ALK: variants seen among roughly 807,000 people sequenced by gnomAD.
ALK encodes ALK receptor tyrosine kinase, also known as ALK tyrosine kinase receptor.
A neutral mutation model predicts 163.1 loss-of-function variants in ALK; 74 were observed. The observed-to-expected ratio is 0.45, with a 90% CI of 0.38 to 0.55. The LOEUF is 0.55. Among genes scored for constraint, ALK ranks in the 20% least tolerant of loss-of-function variants. The probability of loss-of-function intolerance (pLI) is 0.00; values close to 1 mark genes in which losing one functional copy is unlikely to be tolerated. For synonymous variants in ALK, 960 were observed against 843.2 expected (o/e 1.14, Z -2.40); for missense variants, 2,063 against 2,105.3 (o/e 0.98, Z 0.39).
At chr2:29,894,521 C>T (rs1667220967) in intron 1 of ALK, among the ~76,000 whole-genome samples, 1 of 151,942 alleles carries the variant, frequency 6.6e-6, no homozygotes, top group Non-Finnish European at 1.5e-5. Context: ...CTCACAACTA[C>T]CAATAACCTG....
intron 3 of ALK, among the ~76,000 whole-genome samples, chr2:29,646,711 A>T (rs1263456269): frequency 6.6e-6 from 1 of 152,088 alleles, no homozygotes; most frequent in African/African-American, 2.4e-5. Context: ...CCCTCGCAAG[A>T]TGGCTGTGTG....
At chr2:29,741,378 G>A (rs1261175218) in intron 1 of ALK, among the ~76,000 whole-genome samples, 1 of 152,252 alleles carries the variant, frequency 6.6e-6, no homozygotes, top group East Asian at 1.9e-4. Flanking sequence ...CCAAACCGGT[G>A]TGAATGTTGA....
chr2:29,408,702 G>T (rs1484066557), intron 4 of ALK, among the ~76,000 whole-genome samples: 1 of 152,040 alleles, frequency 6.6e-6, no homozygotes, highest in Non-Finnish European at 1.5e-5. Context: ...TTTCTCTCTG[G>T]ACTTATTCTT....
chr2:29,614,411 G>A (rs1255655175), intron 3 of ALK, among the ~76,000 whole-genome samples: 1 of 152,184 alleles, frequency 6.6e-6, no homozygotes, highest in Non-Finnish European at 1.5e-5. Context: ...AGGCTCTGCG[G>A]TTAGTTCCTT....
intron 26 of ALK, among the ~76,000 whole-genome samples, chr2:29,206,287 C>CCTCT (rs1004654480): frequency 6.6e-6 from 1 of 150,828 alleles, no homozygotes; most frequent in African/African-American, 2.4e-5. Flanking sequence ...TCCCTCCCTC[C>CCTCT]CTCTCTCTCC....
intron 2 of ALK, among the ~76,000 whole-genome samples, chr2:29,697,444 C>A (rs1678600695): frequency 6.6e-6 from 1 of 152,112 alleles, no homozygotes; most frequent in South Asian, 2.1e-4. Flanking sequence ...CCACGTTTGC[C>A]CCACTTTTAG....
At position 29,233,477 on chromosome 2, in the gene ALK, T is replaced by C. The variant is rs1375705673; in HGVS notation, c.2487+88A>G. 14 of 1,579,204 alleles carry C rather than the reference T, an allele frequency of 8.9e-6. No individual in the cohort carries two copies. The East Asian group carries it at 2.5e-4, about 28-fold the overall frequency. On this transcript the variant is annotated intron_variant, in intron 14 of 28. Coordinates refer to ENST00000389048, the MANE Select transcript of ALK (RefSeq NM_004304.5). ...ATCTTTACACGGGGATAAGAGCATC[T>C]GAGGTGTTTCTATCCCAGGGCTGTC... is the stretch of plus-strand genomic sequence containing the variant.
chr2:29,276,480 A>G, intron 9 of ALK, among the ~76,000 whole-genome samples: 1 of 152,140 alleles, frequency 6.6e-6, no homozygotes, highest in East Asian at 1.9e-4. Flanking sequence ...TTTCCTGAGA[A>G]CCTTAAAATC....
chr2:29,507,841 T>C (rs7602452), intron 4 of ALK, among the ~76,000 whole-genome samples: 103,977 of 151,970 alleles, frequency 0.68, 36,760 homozygotes, highest in South Asian at 0.79. Flanking sequence ...TGAGTTGATG[T>C]ATCTGAAGGC....
chr2:29,599,062 A>C (rs1675299897), intron 3 of ALK, among the ~76,000 whole-genome samples: 1 of 152,188 alleles, frequency 6.6e-6, no homozygotes, highest in Non-Finnish European at 1.5e-5. Flanking sequence ...GAACCCTGTA[A>C]AATGATATAG....
At chr2:29,798,072 T>C (rs1203361029) in intron 1 of ALK, among the ~76,000 whole-genome samples, 6 of 152,292 alleles carry the variant, frequency 3.9e-5, no homozygotes, top group African/African-American at 1.4e-4. Context: ...TGCCATCAAC[T>C]ACGATCCCAG....
At chr2:29,503,846 G>A (rs1376735414) in intron 4 of ALK, among the ~76,000 whole-genome samples, 1 of 151,998 alleles carries the variant, frequency 6.6e-6, no homozygotes, top group African/African-American at 2.4e-5. Flanking sequence ...ATGGTGTTTA[G>A]TGCTGTGTTA....
intron 26 of ALK, among the ~76,000 whole-genome samples, chr2:29,200,773 G>A (rs56183806): frequency 0.22 from 28,254 of 127,558 alleles, 5,000 homozygotes; most frequent in East Asian, 0.7. Context: ...ATATATATAC[G>A]TATATATATG....
At chr2:29,705,282 A>ATATATATATATATATATATAT (rs1558451342) in intron 2 of ALK, among the ~76,000 whole-genome samples, 1 of 34,098 alleles carries the variant, frequency 2.9e-5, no homozygotes, top group Non-Finnish European at 5.2e-5. Context: ...TATATATATA[A>ATATATATATATATATATATAT]ATATATATCT....
chr2:29,275,346 G>A (rs931110259), intron 10 of ALK, 56 bp downstream of exon 10: 1 of 1,608,310 alleles, frequency 6.2e-7, no homozygotes, highest in Non-Finnish European at 8.5e-7. Context: ...AGGGGACAAT[G>A]AGGCCATGGG....
intron 3 of ALK, among the ~76,000 whole-genome samples, chr2:29,647,985 T>G (rs549446569): frequency 2.6e-5 from 4 of 152,104 alleles, no homozygotes; most frequent in Non-Finnish European, 5.9e-5. Context: ...GATGACAAAG[T>G]TATCATGTTC....
At chr2:29,617,965 G>A (rs1675906057) in intron 3 of ALK, among the ~76,000 whole-genome samples, 1 of 152,172 alleles carries the variant, frequency 6.6e-6, no homozygotes, top group Non-Finnish European at 1.5e-5. Flanking sequence ...GTTGGGCTGG[G>A]AGACCTGCCC....
intron 9 of ALK, among the ~76,000 whole-genome samples, chr2:29,293,749 G>A (rs2148228730): frequency 6.6e-6 from 1 of 152,212 alleles, no homozygotes; most frequent in East Asian, 1.9e-4. Context: ...GATCACACAT[G>A]GGCTTAAAAA....
intron 4 of ALK, among the ~76,000 whole-genome samples, chr2:29,465,533 A>C (rs1293732865): frequency 6.6e-6 from 1 of 152,074 alleles, no homozygotes; most frequent in African/African-American, 2.4e-5. Flanking sequence ...GTCTCTACTA[A>C]AAATATGAAA....
Sources: gnomAD v4.1 joint callset for allele counts (sites outside exome capture counted in the v4.1 genomes callset) on GRCh38, gnomAD v4.1.1 for gene constraint, MANE v1.5 for transcripts, NCBI Gene and HGNC (gene_info 2026-07-23, HGNC 2026-07-21) for gene names.